The following ZC4H2 variants were observed in gnomAD, a reference collection of about 807,000 sequenced individuals.
ZC4H2 encodes zinc finger C4H2 domain-containing protein.
For missense variants in ZC4H2, 137 were observed against 173.9 expected (o/e 0.79, Z 1.19); for synonymous variants, 84 against 66.3 (o/e 1.27, Z -1.30).
intron 1 of ZC4H2, among the ~76,000 whole-genome samples, chrX:64,954,340 T>TTATATATA (rs1230242512): frequency 2.8e-5 from 2 of 70,699 alleles, no homozygotes; most frequent in African/African-American, 1.7e-4. Context: ...ATATATATAA[T>TTATATATA]TATATATATA....
chrX:64,998,042 G>C (rs1256323145), intron 1 of ZC4H2, among the ~76,000 whole-genome samples: 1 of 111,673 alleles, frequency 9.0e-6, no homozygotes, highest in Non-Finnish European at 1.9e-5. Flanking sequence ...ATAAACAAGA[G>C]GCACTGAGAA....
At position 64,920,152 on chromosome X, in the gene ZC4H2, A is replaced by T. The variant is rs141327108; in HGVS notation, c.327T>A (p.Asp109Glu). Residue 109 changes from aspartate to glutamate, a missense_variant, in exon 3 of 5, where the codon GAT becomes GAA. Transcript: ENST00000374839. The part of the protein sequence containing the change: ...DEYKPLKEHV[D>E]ALRMTLGLQR... The stretch of plus-strand genomic sequence containing the variant: ...GCAGGCCCAGAGTCATGCGCAGGGC[A>T]TCCACATGTTCTTTCAGTGGCTTAT... 9 of 1,209,994 alleles carry T rather than the reference A, an allele frequency of 7.4e-6. No homozygotes were observed. The highest frequency in any genetic ancestry group is 7.0e-5 in the African/African-American group (4 of 57,096).
At chrX:64,944,891 C>G (rs188432348) in intron 1 of ZC4H2, among the ~76,000 whole-genome samples, 1 of 112,457 alleles carries the variant, frequency 8.9e-6, no homozygotes, top group Non-Finnish European at 1.9e-5. Flanking sequence ...CTTGCGCATG[C>G]TTCATGAAGT....
chrX:64,919,661 G>T (rs1310812857), intron 3 of ZC4H2: 1 of 143,424 alleles, frequency 7.0e-6, no homozygotes, highest in Non-Finnish European at 1.3e-5. Context: ...GCCAGGAGAT[G>T]AAGTAAGTCC....
chrX:64,930,908 T>C (rs1929711817), intron 1 of ZC4H2, among the ~76,000 whole-genome samples: 1 of 112,157 alleles, frequency 8.9e-6, no homozygotes, highest in Admixed American at 9.4e-5. Context: ...TCTTTTACTG[T>C]CTTTTGGAAT....
upstream of ZC4H2, among the ~76,000 whole-genome samples, chrX:64,980,107 A>G (rs1048296557): frequency 8.9e-6 from 1 of 112,395 alleles, no homozygotes; most frequent in Non-Finnish European, 1.9e-5. Context: ...ATTACTTATT[A>G]AATTTCTCAT....
chrX:65,012,478 G>A (rs1248987694), intron 1 of ZC4H2, among the ~76,000 whole-genome samples: 1 of 111,015 alleles, frequency 9.0e-6, no homozygotes, highest in Non-Finnish European at 1.9e-5. Context: ...TCAGAGAACT[G>A]GAAAACCTTT....
At chrX:64,942,334 C>CCAG (rs1426701574) in intron 1 of ZC4H2, among the ~76,000 whole-genome samples, 2 of 110,817 alleles carry the variant, frequency 1.8e-5, no homozygotes, top group Non-Finnish European at 3.8e-5. Flanking sequence ...TTTCCCAAAA[C>CCAG]CAGCTCCTAG....
At chrX:64,951,352 T>A (rs1479117106) in intron 1 of ZC4H2, among the ~76,000 whole-genome samples, 13 of 111,790 alleles carry the variant, frequency 1.2e-4, no homozygotes, top group African/African-American at 4.2e-4. Flanking sequence ...TATTTCTAGT[T>A]CTAGATCCCT....
At chrX:65,033,456 A>C (rs957099152) in intron 1 of ZC4H2, among the ~76,000 whole-genome samples, 1 of 111,982 alleles carries the variant, frequency 8.9e-6, no homozygotes, top group East Asian at 2.8e-4. Context: ...AATATGTCTA[A>C]GCACTTTATA....
At chrX:64,976,095 G>T (rs1341455265) in intron 1 of ZC4H2, among the ~76,000 whole-genome samples, 1 of 111,180 alleles carries the variant, frequency 9.0e-6, no homozygotes, top group African/African-American at 3.3e-5. Context: ...AACTGTCTTG[G>T]TACCAAACCC....
chrX:64,987,132 G>A (rs1396290907), intron 1 of ZC4H2, among the ~76,000 whole-genome samples: 1 of 109,144 alleles, frequency 9.2e-6, no homozygotes, highest in Non-Finnish European at 1.9e-5. Flanking sequence ...GTTTCACTGT[G>A]TTAGCCAGGA....
intron 1 of ZC4H2, among the ~76,000 whole-genome samples, chrX:64,982,806 A>T (rs930973672): frequency 2.7e-5 from 3 of 112,432 alleles, no homozygotes; most frequent in Non-Finnish European, 3.8e-5. Context: ...TCAACTGTAT[A>T]AAAATGTACA....
chrX:64,934,596 T>A (rs762311269), intron 1 of ZC4H2, among the ~76,000 whole-genome samples: 1 of 111,774 alleles, frequency 8.9e-6, no homozygotes, highest in African/African-American at 3.3e-5. Flanking sequence ...CACAGTGAGA[T>A]CAAAACAGAA....
Position 64,919,078 on chromosome X carries a change from C to G in ZC4H2, c.525G>C (p.Gln175His), listed in dbSNP as rs1435109527. Residue 175 changes from glutamine to histidine, a missense_variant, in exon 4 of 5, where the codon CAG becomes CAC. Transcript: ENST00000374839. Reference sequence around the variant, plus strand: ...GGGGCTGCTGCCTGAAGGTGGCCGTCTGCCGAGTATCCTGCTTCCTAGCCA... The same window carrying G: ...GGGGCTGCTGCCTGAAGGTGGCCGTGTGCCGAGTATCCTGCTTCCTAGCCA... ...LQVARKQDTR[Q>H]TATFRQQPPP... The G allele has an allele frequency of 8.5e-7, 1 of 1,182,747 alleles. No individual in the cohort carries two copies. Among genetic ancestry groups the G allele is most frequent in the Non-Finnish European group, 1.1e-6 (1 of 878,909 alleles).
chrX:64,969,952 G>A (rs1281766899), intron 1 of ZC4H2, among the ~76,000 whole-genome samples: 1 of 111,739 alleles, frequency 8.9e-6, no homozygotes, highest in African/African-American at 3.3e-5. Flanking sequence ...TAAATGGGCA[G>A]TTAGATATGT....
intron 1 of ZC4H2, among the ~76,000 whole-genome samples, chrX:64,940,746 C>T (rs1930242343): frequency 9.2e-6 from 1 of 108,622 alleles, no homozygotes; most frequent in East Asian, 2.9e-4. Flanking sequence ...TGTTCTGTTC[C>T]GTTGGTCTAT....
At chrX:64,939,201 G>T (rs765463978) in intron 1 of ZC4H2, among the ~76,000 whole-genome samples, 9 of 111,568 alleles carry the variant, frequency 8.1e-5, no homozygotes, top group Non-Finnish European at 1.5e-4. Context: ...GCTACTAAGA[G>T]AATAAAATAC....
intron 1 of ZC4H2, among the ~76,000 whole-genome samples, chrX:64,955,544 C>T (rs1015576546): frequency 1.8e-5 from 2 of 111,389 alleles, no homozygotes; most frequent in Admixed American, 9.6e-5. Context: ...TCCCTCCACA[C>T]TCTTGGAACT....
Sources: gnomAD v4.1 joint callset for allele counts (sites outside exome capture counted in the v4.1 genomes callset) on GRCh38, gnomAD v4.1.1 for gene constraint, MANE v1.5 for transcripts, NCBI Gene and HGNC (gene_info 2026-07-23, HGNC 2026-07-21) for gene names.